ERICH3: variants seen among roughly 807,000 people sequenced by gnomAD.
ERICH3 encodes glutamate-rich protein 3.
ERICH3 carries 126 observed loss-of-function variants against 131.1 expected under a neutral mutation model. The observed-to-expected ratio is 0.96, with a 90% confidence interval of 0.83 to 1.11. The LOEUF is 1.11. Among genes scored for constraint, ERICH3 ranks in the 50% most tolerant of loss-of-function variants. ERICH3 has a pLI of 0.00. For synonymous variants in ERICH3, 695 were observed against 644.6 expected (o/e 1.08, Z -1.18); for missense variants, 2,050 against 1,810.7 (o/e 1.13, Z -2.40).
At chr1:74,587,262 T>C (rs1433080786) in intron 12 of ERICH3, among the ~76,000 whole-genome samples, 1 of 145,768 alleles carries the variant, frequency 6.9e-6, no homozygotes, top group Non-Finnish European at 1.5e-5. Flanking sequence ...GAGGCAGAGG[T>C]TGCAGTGAGC....
chr1:74,631,745 C>G lies in ERICH3; in HGVS notation c.787G>C (p.Ala263Pro). Residue 263 changes from alanine to proline, a missense_variant, in exon 7 of 15, where the codon GCT becomes CCT. Physicochemically the swap from Ala to Pro is conservative, Grantham distance 27. Transcript: ENST00000326665. ...AAAAGAGGTTCTAAGCCATTTGGAG[C>G]AGTGGTTGGACGAAATCTTCTCCTT... ...WRRRRFRPTTAPNGLEPLLTK... is the reference protein window; with the variant it reads ...WRRRRFRPTTPPNGLEPLLTK... 6.2e-7 allele frequency: 1 copy of G among 1,613,350 alleles called. No individual in the cohort carries two copies. Among genetic ancestry groups the G allele is most frequent in the Non-Finnish European group, 8.5e-7 (1 of 1,179,468 alleles).
At chr1:74,657,764 G>A (rs1037936746) in intron 1 of ERICH3, among the ~76,000 whole-genome samples, 2 of 152,040 alleles carry the variant, frequency 1.3e-5, no homozygotes, top group South Asian at 2.1e-4. Flanking sequence ...TCAGTAGGCC[G>A]GAGACACACT....
chr1:74,573,210 C>A lies in ERICH3; in HGVS notation c.2500G>T (p.Gly834Cys). ...EFTEKREIPP[G>C]IERGAEGAAE... is the part of the protein sequence containing the mutation. ...GCTCCCTCTGCCCCCCTTTCTATGCCTGGAGGGATCTCCCTTTTTTCTGTA... is the reference window on the plus strand; with the variant it reads ...GCTCCCTCTGCCCCCCTTTCTATGCATGGAGGGATCTCCCTTTTTTCTGTA... Residue 834 changes from glycine to cysteine, a missense_variant, in exon 14 of 15, where the codon GGC (glycine) becomes TGC (cysteine). Coordinates refer to ENST00000326665, the MANE Select transcript of ERICH3 (RefSeq NM_001002912.5). 1 of 1,612,518 alleles carries A rather than the reference C, an allele frequency of 6.2e-7. No homozygotes were observed. The highest frequency in any genetic ancestry group is 8.5e-7 in the Non-Finnish European group (1 of 1,179,216).
At chr1:74,625,105 C>A (rs1441139473) in intron 7 of ERICH3, 1 of 152,032 alleles carries the variant, frequency 6.6e-6, no homozygotes. Flanking sequence ...CTGGATGGAT[C>A]CCTGACCAAT....
chr1:74,663,769 A>T (rs1310891119), intron 1 of ERICH3, among the ~76,000 whole-genome samples: 2 of 152,012 alleles, frequency 1.3e-5, no homozygotes, highest in Non-Finnish European at 2.9e-5. Flanking sequence ...CCAAGTCCTG[A>T]TATTACTAAA....
rs1251166124 is a variant in ERICH3 at position 74,589,727 on chromosome 1, C to T, written c.2080G>A (p.Ala694Thr). ...CTCTTATCCTTTTCCTTTTCTTCTG[C>T]AGAAACATGTTTCCCGGACTTCTCA... ...LSEKSGKHVS[A>T]EEKEKDKSKL... The change falls in exon 12 of 15, where the codon GCA (alanine) becomes ACA (threonine). Residue 694 changes from alanine (A) to threonine (T), a missense_variant. Transcript: ENST00000326665. The T allele has an allele frequency of 6.2e-7, 1 of 1,614,112 alleles. No individual in the cohort carries two copies. Among genetic ancestry groups the T allele is most frequent in the South Asian group, 1.1e-5 (1 of 91,084 alleles).
chr1:74,581,492 T>C (rs936497416), intron 12 of ERICH3, among the ~76,000 whole-genome samples: 1 of 152,172 alleles, frequency 6.6e-6, no homozygotes, highest in Admixed American at 6.6e-5. Flanking sequence ...TCCAGTGAAT[T>C]TTTTTCTCTT....
intron 12 of ERICH3, chr1:74,586,306 A>G (rs1570824075): frequency 1.3e-6 from 1 of 757,722 alleles, no homozygotes; most frequent in Non-Finnish European, 1.6e-6. Context: ...GTTTCCATCT[A>G]TACATAAAAA....
intron 11 of ERICH3, among the ~76,000 whole-genome samples, chr1:74,598,857 T>C (rs1215197984): frequency 6.6e-6 from 1 of 151,906 alleles, no homozygotes; most frequent in Non-Finnish European, 1.5e-5. Flanking sequence ...CAGGATTTAC[T>C]AAAATCAAAC....
At chr1:74,614,824 A>T (rs12058081) in intron 8 of ERICH3, among the ~76,000 whole-genome samples, 3,788 of 152,294 alleles carry the variant, frequency 0.025, 173 homozygotes, top group African/African-American at 0.087. Flanking sequence ...AGTCTGGGAA[A>T]ACTAGGATAC....
At chr1:74,630,132 A>T (rs1260773851) in intron 7 of ERICH3, among the ~76,000 whole-genome samples, 1 of 152,186 alleles carries the variant, frequency 6.6e-6, no homozygotes, top group African/African-American at 2.4e-5. Flanking sequence ...ACATTTTAAC[A>T]TCCGAAAATC....
At chr1:74,665,403 C>A (rs1302393527) in intron 1 of ERICH3, among the ~76,000 whole-genome samples, 1 of 152,110 alleles carries the variant, frequency 6.6e-6, no homozygotes, top group Non-Finnish European at 1.5e-5. Flanking sequence ...TGTTATCAAT[C>A]AATCAATCAT....
intron 11 of ERICH3, among the ~76,000 whole-genome samples, chr1:74,598,387 C>A (rs1342702372): frequency 6.6e-6 from 1 of 151,704 alleles, no homozygotes; most frequent in Admixed American, 6.6e-5. Flanking sequence ...GGATATGTCC[C>A]TAACCTTTGG....
In ERICH3 at chr1:74,595,871, C is replaced by CA. The variant is rs1164575183; in HGVS notation, c.1726+3823dup. 1.1e-4 allele frequency among the ~76,000 whole-genome samples: 17 copies of CA among 152,056 alleles called. No individual in the cohort carries two copies. In the South Asian group the frequency reaches 1.2e-3, roughly 11 times the overall value. On this transcript the variant is annotated intron_variant, in intron 11 of 14. Coordinates refer to ENST00000326665, the MANE Select transcript of ERICH3 (RefSeq NM_001002912.5). ...AAACATTTAAGTTTGATTGACCACG[C>CA]AAAAAATCACACATATTATATAGTC...
At position 74,571,943 on chromosome 1, in the gene ERICH3, C is replaced by T. The variant is rs1443398274; in HGVS notation, c.3767G>A (p.Gly1256Glu). Reference protein sequence around the residue: ...KDHDSCAGLEGRAEGQGGVDV... With the variant: ...KDHDSCAGLEERAEGQGGVDV... ...CACTCCTCCTTGCCCTTCAGCTCTC[C>T]CCTCCAGTCCTGCGCAGGAGTCGTG... Residue 1256 changes from glycine (G) to glutamate (E), a missense_variant, in exon 14 of 15, where the codon GGG becomes GAG. Coordinates refer to ENST00000326665, the MANE Select transcript of ERICH3 (RefSeq NM_001002912.5). The T allele has an allele frequency of 1.2e-6, 2 of 1,613,628 alleles. No homozygotes were observed. The highest frequency in any genetic ancestry group is 4.5e-5 in the East Asian group (2 of 44,870).
intron 8 of ERICH3, among the ~76,000 whole-genome samples, chr1:74,620,209 A>T (rs890367562): frequency 1.3e-5 from 2 of 152,226 alleles, no homozygotes; most frequent in Non-Finnish European, 2.9e-5. Flanking sequence ...ACATTATCCT[A>T]TGCTGACAAA....
chr1:74,578,616 G>A (rs1647116204), intron 12 of ERICH3: 1 of 147,716 alleles, frequency 6.8e-6, no homozygotes, highest in Non-Finnish European at 1.5e-5. Flanking sequence ...CCCCCTTTCT[G>A]TCCTTTTTTC....
chr1:74,670,365 T>C (rs1453564451), intron 1 of ERICH3, among the ~76,000 whole-genome samples: 1 of 152,180 alleles, frequency 6.6e-6, no homozygotes, highest in Non-Finnish European at 1.5e-5. Context: ...GAAATGACTC[T>C]GATCCTATAT....
intron 11 of ERICH3, among the ~76,000 whole-genome samples, chr1:74,596,904 G>A (rs139297428): frequency 2.8e-3 from 419 of 152,088 alleles, no homozygotes; most frequent in African/African-American, 9.5e-3. Context: ...AAGGCAGGCC[G>A]ACACAATTGT....
Sources: gnomAD v4.1 joint callset for allele counts (sites outside exome capture counted in the v4.1 genomes callset) on GRCh38, gnomAD v4.1.1 for gene constraint, MANE v1.5 for transcripts, NCBI Gene and HGNC (gene_info 2026-07-23, HGNC 2026-07-21) for gene names.